The following CNTN1 variants were observed in gnomAD, a reference collection of about 807,000 sequenced individuals.
CNTN1 encodes the protein contactin-1.
A neutral mutation model predicts 126.4 loss-of-function variants in CNTN1; 38 were observed. The ratio of observed to expected loss-of-function variants is 0.30; its 90% confidence interval spans 0.23 to 0.39. The LOEUF is 0.39. CNTN1 is among the 10% of genes least tolerant of loss of function. CNTN1 has a pLI of 1.00. For missense variants in CNTN1, 1,009 were observed against 1,248.4 expected (o/e 0.81, Z 2.89); for synonymous variants, 413 against 422.6 (o/e 0.98, Z 0.28).
Position 41,046,416 on chromosome 12 carries a change from T to C in CNTN1, c.2980+17197T>C, listed in dbSNP as rs1360612512. Among the ~76,000 whole-genome samples the C allele has an allele frequency of 1.4e-4, 21 of 152,136 alleles. 1 individual carries two copies. Among genetic ancestry groups the C allele is most frequent in the Admixed American group, 1.4e-3 (21 of 15,250 alleles). ...CTCATATATTTCAGCTGTTGAAGTA[T>C]TACTTCAATAATACATTTCTTAAAT... On this transcript the variant is annotated intron_variant, in intron 23 of 23. Coordinates refer to ENST00000551295, the MANE Select transcript of CNTN1 (RefSeq NM_001843.4).
chr12:40,756,850 A>G (rs1370611265), intron 1 of CNTN1, among the ~76,000 whole-genome samples: 1 of 151,880 alleles, frequency 6.6e-6, no homozygotes, highest in Non-Finnish European at 1.5e-5. Context: ...ATTTGTTTTT[A>G]TATACTGGAC....
intron 1 of CNTN1, among the ~76,000 whole-genome samples, chr12:40,723,373 C>T (rs1014253582): frequency 1.1e-4 from 16 of 152,172 alleles, no homozygotes; most frequent in African/African-American, 3.4e-4. Context: ...AGCTGCTTTA[C>T]GCTTTCAGTT....
At chr12:40,936,641 C>A in intron 9 of CNTN1, 140 bp from the exon 10 acceptor site, 1 of 971,344 alleles carries the variant, frequency 1.0e-6, no homozygotes, top group Non-Finnish European at 1.6e-6. Context: ...AAAGACAAGG[C>A]CTATTACTGA....
intron 23 of CNTN1, among the ~76,000 whole-genome samples, chr12:41,056,137 T>G (rs1416439749): frequency 6.6e-6 from 1 of 152,098 alleles, no homozygotes; most frequent in African/African-American, 2.4e-5. Context: ...TTGGCACTCA[T>G]TTTTCAACAA....
chr12:40,949,636 T>C (rs1216921976), intron 14 of CNTN1, among the ~76,000 whole-genome samples: 1 of 135,472 alleles, frequency 7.4e-6, no homozygotes, highest in Non-Finnish European at 1.5e-5. Context: ...TGGAGTGCAA[T>C]GACGCAATCT....
Position 40,936,903 on chromosome 12 carries a change from G to T in CNTN1, c.1108G>T (p.Ala370Ser). The T allele has an allele frequency of 6.2e-7, 1 of 1,612,870 alleles. No individual in the cohort carries two copies. Among genetic ancestry groups the T allele is most frequent in the Non-Finnish European group, 8.5e-7 (1 of 1,179,118 alleles). The stretch of plus-strand genomic sequence containing the variant: ...AATCCGATGGTTGAAAAATGGATAT[G>T]CGGTATGTATGTTCAAGTGCTTTGC... Reference protein sequence around the residue: ...PTIRWLKNGYAYHKGELRLYD... With the variant: ...PTIRWLKNGYSYHKGELRLYD... Residue 370 changes from alanine to serine, a missense_variant and splice_region_variant, in exon 10 of 24, where the codon GCG becomes TCG. Transcript: ENST00000551295.
At chr12:40,783,591 T>C (rs1207165977) in intron 1 of CNTN1, among the ~76,000 whole-genome samples, 1 of 152,122 alleles carries the variant, frequency 6.6e-6, no homozygotes, top group Non-Finnish European at 1.5e-5. Context: ...TTCTCTTACC[T>C]TAAGCATTTT....
chr12:40,842,005 AAAG>A (rs1253588059), intron 1 of CNTN1, among the ~76,000 whole-genome samples: 1 of 151,964 alleles, frequency 6.6e-6, no homozygotes, highest in African/African-American at 2.4e-5. Flanking sequence ...TTTTTTAAAA[AAAG>A]AAATAAATAA....
intron 15 of CNTN1, among the ~76,000 whole-genome samples, chr12:40,960,985 C>T (rs1402706776): frequency 1.3e-5 from 2 of 151,966 alleles, no homozygotes; most frequent in Non-Finnish European, 2.9e-5. Flanking sequence ...CCATAGAATA[C>T]TCTGTAATAT....
chr12:40,738,139 C>T (rs1937774639), intron 1 of CNTN1, among the ~76,000 whole-genome samples: 1 of 152,024 alleles, frequency 6.6e-6, no homozygotes, highest in African/African-American at 2.4e-5. Flanking sequence ...TGAAGGGGAA[C>T]TGCTGTATCA....
intron 14 of CNTN1, among the ~76,000 whole-genome samples, chr12:40,954,483 CA>C (rs974975089): frequency 1.1e-4 from 16 of 151,766 alleles, no homozygotes; most frequent in African/African-American, 2.9e-4. Context: ...CTGCTTACCT[CA>C]AAAAAAATTT....
intron 14 of CNTN1, among the ~76,000 whole-genome samples, chr12:40,949,751 T>C (rs11179157): frequency 0.12 from 17,714 of 151,194 alleles, 1,091 homozygotes; most frequent in Non-Finnish European, 0.12. Flanking sequence ...TTTTTTTGTA[T>C]TTTTAGTAGA....
intron 1 of CNTN1, among the ~76,000 whole-genome samples, chr12:40,814,374 T>G (rs1275443095): frequency 6.6e-6 from 1 of 152,240 alleles, no homozygotes; most frequent in South Asian, 2.1e-4. Flanking sequence ...AATTTTTGTA[T>G]AAGACGTAAG....
chr12:40,795,619 T>G (rs1388449787), intron 1 of CNTN1, among the ~76,000 whole-genome samples: 4 of 152,088 alleles, frequency 2.6e-5, no homozygotes, highest in Non-Finnish European at 5.9e-5. Flanking sequence ...CTATTGTTTC[T>G]CTTAAAAACT....
At chr12:40,971,327 T>C in intron 15 of CNTN1, 1 of 925,766 alleles carries the variant, frequency 1.1e-6, no homozygotes, top group Non-Finnish European at 1.6e-6. Flanking sequence ...TGTTTATTCT[T>C]TCACCTTACC....
At chr12:41,057,817 G>A (rs1327158060) in intron 23 of CNTN1, among the ~76,000 whole-genome samples, 2 of 151,952 alleles carry the variant, frequency 1.3e-5, no homozygotes, top group African/African-American at 4.8e-5. Context: ...GAGATGATGA[G>A]ATCCTAAACT....
chr12:40,820,714 C>A (rs1452595894), intron 1 of CNTN1, among the ~76,000 whole-genome samples: 1 of 152,114 alleles, frequency 6.6e-6, no homozygotes, highest in Non-Finnish European at 1.5e-5. Flanking sequence ...GTGAAAGTTA[C>A]CAGTGTCCCT....
chr12:40,989,742 C>T (rs889710665), intron 16 of CNTN1, among the ~76,000 whole-genome samples: 20 of 151,502 alleles, frequency 1.3e-4, no homozygotes, highest in African/African-American at 4.6e-4. Flanking sequence ...CATACTAGGC[C>T]CTGAGGGGTT....
chr12:41,062,306 A>G (rs1949952707), intron 23 of CNTN1, among the ~76,000 whole-genome samples: 3 of 152,214 alleles, frequency 2.0e-5, no homozygotes, highest in Non-Finnish European at 1.5e-5. Flanking sequence ...GACCATTCAT[A>G]AAAATAACAA....
Sources: allele counts gnomAD v4.1 joint callset (sites outside exome capture counted in the v4.1 genomes callset), GRCh38; gene constraint gnomAD v4.1.1; transcripts MANE v1.5; gene names NCBI Gene and HGNC (gene_info 2026-07-23, HGNC 2026-07-21).